The following ARFGEF1 variants were observed in gnomAD, a reference collection of about 807,000 sequenced individuals.
ARFGEF1 encodes the protein ARF guanine nucleotide exchange factor 1.
Under a neutral mutation model 231.0 loss-of-function variants are expected in ARFGEF1, and 42 were observed. That is an observed-to-expected ratio of 0.18 (90% CI 0.14 to 0.24). ARFGEF1 has a LOEUF of 0.24. Ranked by LOEUF, ARFGEF1 falls within the 10% of genes least tolerant of loss-of-function variation. The pLI, the probability that ARFGEF1 is intolerant of heterozygous loss-of-function variation, is 1.00. For synonymous variants in ARFGEF1, 710 were observed against 732.3 expected (o/e 0.97, Z 0.49); for missense variants, 1,345 against 2,192.0 (o/e 0.61, Z 7.72).
At chr8:67,222,182 C>CACAT (rs1409227736) in intron 29 of ARFGEF1, among the ~76,000 whole-genome samples, 1 of 117,738 alleles carries the variant, frequency 8.5e-6, no homozygotes, top group Non-Finnish European at 1.6e-5. Context: ...TATATATACA[C>CACAT]ATATATATAT....
intron 15 of ARFGEF1, among the ~76,000 whole-genome samples, chr8:67,259,403 T>C (rs1371848139): frequency 6.6e-6 from 1 of 152,132 alleles, no homozygotes; most frequent in Admixed American, 6.5e-5. Flanking sequence ...ATTTTTTGTA[T>C]TTTTATTAGA....
intron 5 of ARFGEF1, among the ~76,000 whole-genome samples, chr8:67,190,193 T>C (rs1377714131): frequency 2.6e-5 from 4 of 152,234 alleles, no homozygotes; most frequent in Non-Finnish European, 5.9e-5. Context: ...TACTGGTAAA[T>C]GCATAGACAA....
chr8:67,269,963 C>T (rs945199446), intron 10 of ARFGEF1, among the ~76,000 whole-genome samples: 2 of 152,104 alleles, frequency 1.3e-5, no homozygotes, highest in South Asian at 2.1e-4. Flanking sequence ...GTAAACAGTA[C>T]CTACAGAAGC....
chr8:67,193,737 T>C (rs1163669422), downstream of ARFGEF1: 4 of 645,648 alleles, frequency 6.2e-6, no homozygotes, highest in Non-Finnish European at 7.5e-6. Flanking sequence ...GCCCAAGACA[T>C]AGTAACTATT....
intron 29 of ARFGEF1, among the ~76,000 whole-genome samples, chr8:67,222,163 GCATATATATATATATA>G (rs1241240512): frequency 1.0e-3 from 119 of 116,550 alleles, no homozygotes; most frequent in Middle Eastern, 0.011. Context: ...CCTTTTCCAT[GCATATATATATATATA>G]CACATATATA....
At chr8:67,303,526 C>CGTGGTGAAACATCGTCCA (rs1462813180) in intron 1 of ARFGEF1, among the ~76,000 whole-genome samples, 14 of 152,150 alleles carry the variant, frequency 9.2e-5, no homozygotes, top group African/African-American at 2.9e-4. Flanking sequence ...GTCTGGCCAA[C>CGTGGTGAAACATCGTCCA]GTGGTGAAAC....
intron 35 of ARFGEF1, among the ~76,000 whole-genome samples, chr8:67,204,425 T>C (rs1223380139): frequency 6.6e-6 from 1 of 152,168 alleles, no homozygotes; most frequent in Admixed American, 6.5e-5. Flanking sequence ...TCATGGATTC[T>C]CGTCTTCAGT....
At chr8:67,269,350 CTTT>C (rs796473421) in intron 10 of ARFGEF1, among the ~76,000 whole-genome samples, 6,378 of 128,716 alleles carry the variant, frequency 0.05, 178 homozygotes, top group African/African-American at 0.1. Flanking sequence ...CCACGTTCAG[CTTT>C]TTTTTTTTTT....
At chr8:67,335,023 T>G (rs1347920307) in intron 1 of ARFGEF1, among the ~76,000 whole-genome samples, 2 of 152,122 alleles carry the variant, frequency 1.3e-5, no homozygotes, top group Non-Finnish European at 2.9e-5. Flanking sequence ...TACTATAGTA[T>G]GTAAATCATT....
At chr8:67,179,772 A>G (rs898711773) in intron 5 of ARFGEF1, 9 of 807,162 alleles carry the variant, frequency 1.1e-5, no homozygotes, top group Admixed American at 5.8e-5. Flanking sequence ...TAGGGAGAAC[A>G]GTGTGGAAAC....
At chr8:67,195,908 T>C (rs1378766309), downstream of ARFGEF1, 1 of 229,788 alleles carries the variant, frequency 4.4e-6, no homozygotes, top group Non-Finnish European at 8.6e-6. Context: ...AATAAGTGTC[T>C]TAAACGTCCT....
intron 23 of ARFGEF1, among the ~76,000 whole-genome samples, chr8:67,232,321 T>C (rs931699437): frequency 1.3e-4 from 20 of 152,056 alleles, no homozygotes; most frequent in African/African-American, 4.1e-4. Flanking sequence ...CATTTTAAAA[T>C]TGGAAATATT....
intron 1 of ARFGEF1, among the ~76,000 whole-genome samples, chr8:67,326,509 C>A (rs1807840489): frequency 6.6e-6 from 1 of 152,226 alleles, no homozygotes; most frequent in Admixed American, 6.5e-5. Context: ...AAACCTTACA[C>A]ACCTTTCTTA....
intron 14 of ARFGEF1, among the ~76,000 whole-genome samples, chr8:67,263,013 T>C (rs776049452): frequency 4.6e-5 from 7 of 152,224 alleles, no homozygotes; most frequent in African/African-American, 7.2e-5. Context: ...AATCTTCAAG[T>C]AATCTTGGCT....
intron 1 of ARFGEF1, among the ~76,000 whole-genome samples, chr8:67,336,937 T>C (rs1808368916): frequency 6.6e-6 from 1 of 151,882 alleles, no homozygotes. Context: ...GAGACCATCC[T>C]GGCTAACACG....
At chr8:67,222,269 A>ATGTG (rs1483190587) in intron 29 of ARFGEF1, among the ~76,000 whole-genome samples, 1 of 101,974 alleles carries the variant, frequency 9.8e-6, no homozygotes, top group East Asian at 3.4e-4. Flanking sequence ...GTATGTATGT[A>ATGTG]TTTTTTTTTT....
intron 22 of ARFGEF1, among the ~76,000 whole-genome samples, chr8:67,234,232 C>T (rs1198738102): frequency 6.6e-6 from 1 of 152,098 alleles, no homozygotes; most frequent in African/African-American, 2.4e-5. Context: ...GATGTAACCC[C>T]TGTCCTCACA....
chr8:67,268,506 T>C (rs1804940298), intron 10 of ARFGEF1, among the ~76,000 whole-genome samples: 1 of 152,182 alleles, frequency 6.6e-6, no homozygotes, highest in African/African-American at 2.4e-5. Context: ...CCTCAAAAGA[T>C]TGCTCATGGT....
intron 19 of ARFGEF1, among the ~76,000 whole-genome samples, chr8:67,249,478 CAGAT>C (rs1228425000): frequency 1.3e-5 from 2 of 150,016 alleles, no homozygotes; most frequent in African/African-American, 2.5e-5. Flanking sequence ...AGTCTGCACA[CAGAT>C]AGGCAGATAT....
Sources: gnomAD v4.1 joint callset for allele counts (sites outside exome capture counted in the v4.1 genomes callset) on GRCh38, gnomAD v4.1.1 for gene constraint, MANE v1.5 for transcripts, NCBI Gene and HGNC (gene_info 2026-07-23, HGNC 2026-07-21) for gene names.